Variants in DCLK2 observed in about 807,000 individuals in gnomAD.
DCLK2 encodes the protein doublecortin like kinase 2.
Under a neutral mutation model 78.4 loss-of-function variants are expected in DCLK2, and 31 were observed. The observed-to-expected ratio is 0.40, with a 90% CI of 0.30 to 0.53. The LOEUF (loss-of-function observed/expected upper bound fraction) is 0.53. DCLK2 is among the 20% of genes least tolerant of loss of function. The pLI, the probability that DCLK2 is intolerant of heterozygous loss-of-function variation, is 0.61. For synonymous variants in DCLK2, 407 were observed against 374.9 expected, an observed-to-expected ratio of 1.09 and a Z score of -0.99; for missense variants, 872 against 973.7, an observed-to-expected ratio of 0.90 and a Z score of 1.39.
At chr4:150,187,369 G>A (rs1275626887) in intron 2 of DCLK2, among the ~76,000 whole-genome samples, 1 of 152,134 alleles carries the variant, frequency 6.6e-6, no homozygotes, top group African/African-American at 2.4e-5. Context: ...GGTAGACTGT[G>A]TTCTTTAATG....
intron 15 of DCLK2, among the ~76,000 whole-genome samples, chr4:150,255,374 C>T (rs918794441): frequency 2.0e-5 from 3 of 152,240 alleles, no homozygotes; most frequent in Non-Finnish European, 4.4e-5. Flanking sequence ...CGCAAGGTGA[C>T]TGCCTCACAT....
chr4:150,206,615 T>A (rs1347468787), intron 5 of DCLK2, among the ~76,000 whole-genome samples: 1 of 152,172 alleles, frequency 6.6e-6, no homozygotes, highest in African/African-American at 2.4e-5. Flanking sequence ...AGGAATATAG[T>A]TCTGTTAACT....
chr4:150,090,905 C>T (rs1353754360), intron 1 of DCLK2, among the ~76,000 whole-genome samples: 3 of 152,080 alleles, frequency 2.0e-5, no homozygotes, highest in Non-Finnish European at 4.4e-5. Flanking sequence ...CCCCGCTCTG[C>T]AGAAATAGGT....
At chr4:150,100,659 T>C (rs1730822977) in intron 1 of DCLK2, among the ~76,000 whole-genome samples, 1 of 152,230 alleles carries the variant, frequency 6.6e-6, no homozygotes. Flanking sequence ...GAGAGTTACT[T>C]TCTCTATAAA....
intron 2 of DCLK2, among the ~76,000 whole-genome samples, chr4:150,159,021 C>A (rs1433787402): frequency 6.6e-6 from 1 of 152,030 alleles, no homozygotes; most frequent in Non-Finnish European, 1.5e-5. Flanking sequence ...AGATGTGGAG[C>A]CAGTTTCTGA....
chr4:150,185,209 GA>G (rs1737834228), intron 2 of DCLK2, among the ~76,000 whole-genome samples: 1 of 152,142 alleles, frequency 6.6e-6, no homozygotes, highest in Non-Finnish European at 1.5e-5. Context: ...GGAAGGAGAA[GA>G]ATGAGCCAAG....
chr4:150,177,470 A>G (rs1737175874), intron 2 of DCLK2, among the ~76,000 whole-genome samples: 1 of 152,174 alleles, frequency 6.6e-6, no homozygotes, highest in South Asian at 2.1e-4. Context: ...CTTTTCCTCC[A>G]TCGAAGAACT....
intron 2 of DCLK2, among the ~76,000 whole-genome samples, chr4:150,153,710 A>C (rs957442781): frequency 1.3e-5 from 2 of 151,966 alleles, no homozygotes; most frequent in African/African-American, 4.8e-5. Context: ...CCACTACAAC[A>C]AGCCACAAAC....
chr4:150,227,870 C>T (rs971789777), intron 8 of DCLK2, among the ~76,000 whole-genome samples: 5 of 152,158 alleles, frequency 3.3e-5, no homozygotes, highest in Non-Finnish European at 7.4e-5. Flanking sequence ...TGGAAGTATT[C>T]GTTTCCCCAG....
At chr4:150,173,705 C>G (rs910492721) in intron 2 of DCLK2, among the ~76,000 whole-genome samples, 1 of 152,134 alleles carries the variant, frequency 6.6e-6, no homozygotes, top group African/African-American at 2.4e-5. Context: ...TATGAAAATC[C>G]TTGAACTGGG....
chr4:150,121,035 C>A (rs1732499844), intron 2 of DCLK2, among the ~76,000 whole-genome samples: 1 of 152,090 alleles, frequency 6.6e-6, no homozygotes, highest in Non-Finnish European at 1.5e-5. Context: ...TGCGCTATTG[C>A]ACTCCAGCCT....
In DCLK2 at chr4:150,122,561, C is replaced by A. The variant is rs541448190; in HGVS notation, c.756+19749C>A. On this transcript the variant is annotated intron_variant, in intron 2 of 15. Transcript: ENST00000296550. ...AAGTGGGAGTTGAACGATAAGAACACATGGACACAGGGAGGGGAACATCAC... is the reference window on the plus strand; with the variant it reads ...AAGTGGGAGTTGAACGATAAGAACAAATGGACACAGGGAGGGGAACATCAC... 1.8e-3 allele frequency among the ~76,000 whole-genome samples: 278 copies of A among 152,180 alleles called. 1 individual carries two copies. Among genetic ancestry groups the A allele is most frequent in the African/African-American group, 6.4e-3 (264 of 41,518 alleles).
chr4:150,181,681 C>G (rs1737540146), intron 2 of DCLK2, among the ~76,000 whole-genome samples: 1 of 151,798 alleles, frequency 6.6e-6, no homozygotes, highest in Non-Finnish European at 1.5e-5. Flanking sequence ...TTTGAGAAGC[C>G]CTTTACTGTA....
At chr4:150,200,577 G>C (rs950841561) in intron 4 of DCLK2, among the ~76,000 whole-genome samples, 6 of 152,160 alleles carry the variant, frequency 3.9e-5, no homozygotes, top group African/African-American at 1.4e-4. Context: ...TGGTACCCAG[G>C]AGTGCTTTTA....
intron 2 of DCLK2, among the ~76,000 whole-genome samples, chr4:150,148,655 G>C (rs1734653505): frequency 6.6e-6 from 1 of 152,000 alleles, no homozygotes; most frequent in Non-Finnish European, 1.5e-5. Context: ...TTTTCAGTGT[G>C]ATCAGTGAAG....
At chr4:150,092,481 AC>A (rs1323688227) in intron 1 of DCLK2, among the ~76,000 whole-genome samples, 1 of 152,152 alleles carries the variant, frequency 6.6e-6, no homozygotes, top group Non-Finnish European at 1.5e-5. Flanking sequence ...TTTTAAAAAA[AC>A]CCATTCATCC....
intron 5 of DCLK2, among the ~76,000 whole-genome samples, chr4:150,211,229 G>A (rs1010804640): frequency 1.3e-5 from 2 of 152,036 alleles, no homozygotes; most frequent in African/African-American, 4.8e-5. Context: ...AGAAGGCCTC[G>A]GTTACTCGCC....
At chr4:150,167,828 G>A (rs1381061985) in intron 2 of DCLK2, among the ~76,000 whole-genome samples, 1 of 152,190 alleles carries the variant, frequency 6.6e-6, no homozygotes, top group East Asian at 1.9e-4. Context: ...GCACTAAGAG[G>A]CAAAATGGCA....
At chr4:150,220,825 G>A (rs1741133572) in intron 6 of DCLK2, 47 bp downstream of exon 6, 1 of 1,442,192 alleles carries the variant, frequency 6.9e-7, no homozygotes, top group South Asian at 1.2e-5. Flanking sequence ...ATCATGCATG[G>A]GGACTTGGTG....
Sources: gnomAD v4.1 joint callset for allele counts (sites outside exome capture counted in the v4.1 genomes callset) on GRCh38, gnomAD v4.1.1 for gene constraint, MANE v1.5 for transcripts, NCBI Gene and HGNC (gene_info 2026-07-23, HGNC 2026-07-21) for gene names.